The following TBL1Y variants were observed in gnomAD, a reference collection of about 807,000 sequenced individuals.
TBL1Y encodes the protein F-box-like/WD repeat-containing protein TBL1Y.
In TBL1Y, 15 loss-of-function variants were observed where a neutral mutation model predicts 12.0. That is an observed-to-expected ratio of 1.25 (90% CI 0.83 to 1.92). TBL1Y has a LOEUF of 1.92. Among genes scored for constraint, TBL1Y ranks in the 40% most tolerant of loss-of-function variants. The probability of loss-of-function intolerance (pLI) is 0.00; values close to 1 mark genes in which losing one functional copy is unlikely to be tolerated. For synonymous variants in TBL1Y, 53 were observed against 42.6 expected, an observed-to-expected ratio of 1.24 and a Z score of -0.95; for missense variants, 148 against 116.7, an observed-to-expected ratio of 1.27 and a Z score of -1.24.
intron 2 of TBL1Y, among the ~76,000 whole-genome samples, chrY:6,975,789 C>T (rs776637696): frequency 3.0e-5 from 1 of 33,004 alleles, no homozygotes; most frequent in East Asian, 8.0e-4. Context: ...CCTGCATTAT[C>T]GAATTTTACT....
At chrY:6,932,009 C>T in intron 2 of TBL1Y, among the ~76,000 whole-genome samples, 1 of 33,889 alleles carries the variant, frequency 3.0e-5, no homozygotes, top group African/African-American at 1.2e-4. Flanking sequence ...TTCTAGTTCC[C>T]TGTTTTATTT....
chrY:6,958,792 C>T (rs2012090174), intron 2 of TBL1Y, among the ~76,000 whole-genome samples: 1 of 34,159 alleles, frequency 2.9e-5, no homozygotes. Flanking sequence ...GGCAGCATTG[C>T]TGCAAACATG....
chrY:7,067,096 C>T, intron 8 of TBL1Y, among the ~76,000 whole-genome samples: 1 of 33,305 alleles, frequency 3.0e-5, no homozygotes, highest in Non-Finnish European at 7.4e-5. Flanking sequence ...TACCCAGGAG[C>T]CCAAAACCAT....
intron 2 of TBL1Y, among the ~76,000 whole-genome samples, chrY:6,959,501 C>G (rs754589265): frequency 7.4e-4 from 24 of 32,622 alleles, no homozygotes; most frequent in African/African-American, 2.9e-3. Flanking sequence ...CTGGATACAC[C>G]TGTAGACTAA....
chrY:7,090,650 A>G (rs750639559), intron 18 of TBL1Y, among the ~76,000 whole-genome samples: 3 of 34,021 alleles, frequency 8.8e-5, no homozygotes, highest in African/African-American at 3.5e-4. Flanking sequence ...TGTACAGTAA[A>G]GCCTATTGCT....
At chrY:7,013,707 G>A in intron 4 of TBL1Y, among the ~76,000 whole-genome samples, 2 of 34,049 alleles carry the variant, frequency 5.9e-5, no homozygotes, top group Non-Finnish European at 7.3e-5. Flanking sequence ...CAGGGGTGGA[G>A]CTCCCCATGG....
At chrY:7,032,661 T>C in intron 6 of TBL1Y, among the ~76,000 whole-genome samples, 2 of 33,244 alleles carry the variant, frequency 6.0e-5, no homozygotes, top group Admixed American at 2.8e-4. Flanking sequence ...TATCCCTCAG[T>C]GGATATGGGT....
At chrY:6,921,632 A>G (rs2011778769) in intron 2 of TBL1Y, among the ~76,000 whole-genome samples, 1 of 33,445 alleles carries the variant, frequency 3.0e-5, no homozygotes, top group African/African-American at 1.2e-4. Context: ...TTAGGCTAGA[A>G]TACCAGAGGA....
intron 4 of TBL1Y, among the ~76,000 whole-genome samples, chrY:7,019,125 C>T (rs2012570026): frequency 3.0e-5 from 1 of 33,585 alleles, no homozygotes; most frequent in Non-Finnish European, 7.3e-5. Flanking sequence ...AAAGAGCATA[C>T]GGCATTTGTT....
At chrY:7,020,237 C>G in intron 4 of TBL1Y, among the ~76,000 whole-genome samples, 1 of 33,119 alleles carries the variant, frequency 3.0e-5, no homozygotes, top group African/African-American at 1.2e-4. Flanking sequence ...AAATGGTGAG[C>G]CTTTAATTTT....
At chrY:6,953,472 G>T in intron 2 of TBL1Y, among the ~76,000 whole-genome samples, 2 of 33,569 alleles carry the variant, frequency 6.0e-5, no homozygotes, top group Non-Finnish European at 1.5e-4. Flanking sequence ...GATCGAATCG[G>T]CTACTGAAGC....
chrY:6,965,996 A>G, intron 2 of TBL1Y, among the ~76,000 whole-genome samples: 1 of 33,560 alleles, frequency 3.0e-5, no homozygotes, highest in Non-Finnish European at 7.3e-5. Flanking sequence ...TATTTGGTAT[A>G]TAAAACAATA....
At chrY:6,993,984 A>G (rs2012393245) in intron 3 of TBL1Y, among the ~76,000 whole-genome samples, 1 of 32,853 alleles carries the variant, frequency 3.0e-5, no homozygotes, top group Non-Finnish European at 7.4e-5. Flanking sequence ...TTTACTTCTT[A>G]TGCTATATAT....
At chrY:7,053,489 A>C in intron 7 of TBL1Y, among the ~76,000 whole-genome samples, 2 of 33,359 alleles carry the variant, frequency 6.0e-5, no homozygotes, top group African/African-American at 2.3e-4. Flanking sequence ...ACCTTTTAGC[A>C]TACTTAGCAC....
chrY:7,036,718 G>A, intron 6 of TBL1Y, among the ~76,000 whole-genome samples: 1 of 33,644 alleles, frequency 3.0e-5, no homozygotes, highest in Admixed American at 2.8e-4. Context: ...GACAAAACCA[G>A]CCTCACTTGA....
intron 6 of TBL1Y, among the ~76,000 whole-genome samples, chrY:7,039,121 C>T: frequency 3.0e-5 from 1 of 33,552 alleles, no homozygotes; most frequent in South Asian, 6.8e-4. Context: ...GGAAGAGAAG[C>T]ATCTTCTGTG....
intron 16 of TBL1Y, 149 bp from the exon 17 acceptor site, chrY:7,087,118 T>C (rs2013144410): frequency 3.0e-5 from 1 of 32,817 alleles, no homozygotes; most frequent in Non-Finnish European, 6.1e-5. Flanking sequence ...ATATATTTTA[T>C]ATACATATCT....
intron 2 of TBL1Y, among the ~76,000 whole-genome samples, chrY:6,921,035 C>A: frequency 3.1e-5 from 1 of 32,508 alleles, no homozygotes; most frequent in South Asian, 7.1e-4. Context: ...GTGCTGTGGA[C>A]CTTGCTGGAC....
At chrY:6,921,586 G>A in intron 2 of TBL1Y, among the ~76,000 whole-genome samples, 1 of 33,257 alleles carries the variant, frequency 3.0e-5, no homozygotes, top group Non-Finnish European at 7.4e-5. Flanking sequence ...ACCCCAGACA[G>A]CCTGCACAGG....
Sources: allele counts gnomAD v4.1 joint callset (sites outside exome capture counted in the v4.1 genomes callset), GRCh38; gene constraint gnomAD v4.1.1; transcripts MANE v1.5; gene names NCBI Gene and HGNC (gene_info 2026-07-23, HGNC 2026-07-21).